Variants in CSMD2 observed in about 807,000 individuals in gnomAD.
The protein encoded by CSMD2 is CUB and Sushi multiple domains 2.
Under a neutral mutation model 398.5 loss-of-function variants are expected in CSMD2, and 130 were observed. The ratio of observed to expected loss-of-function variants is 0.33; its 90% confidence interval spans 0.28 to 0.38. CSMD2 has a LOEUF of 0.38. Ranked by LOEUF, CSMD2 falls within the 10% of genes least tolerant of loss-of-function variation. The pLI is 1.00. For missense variants in CSMD2, 3,829 were observed against 4,764.9 expected (o/e 0.80, Z 5.78); for synonymous variants, 1,828 against 1,908.5 (o/e 0.96, Z 1.10).
intron 2 of CSMD2, among the ~76,000 whole-genome samples, chr1:34,081,561 G>GTC (rs1406319307): frequency 6.6e-6 from 1 of 152,176 alleles, no homozygotes; most frequent in Non-Finnish European, 1.5e-5. Context: ...TGGGATCGCA[G>GTC]GCGCGCGCCG....
chr1:33,527,351 T>C (rs528624827), intron 64 of CSMD2, 93 bp from the exon 65 acceptor site: 67 of 984,918 alleles, frequency 6.8e-5, no homozygotes, highest in South Asian at 6.4e-4. Flanking sequence ...CTTAGGTCAA[T>C]GGGTTCTTTG....
At chr1:33,842,608 G>A (rs995387301) in intron 6 of CSMD2, among the ~76,000 whole-genome samples, 1 of 152,250 alleles carries the variant, frequency 6.6e-6, no homozygotes, top group Non-Finnish European at 1.5e-5. Flanking sequence ...GGCCTCTTGT[G>A]TCAGTCATAA....
chr1:34,132,224 T>C lies in CSMD2; in HGVS notation c.187+32687A>G, dbSNP rs539736895. Reference sequence around the variant, plus strand: ...ACCCCTCCATGGACATAAGGGAGAATGGGAGACCTGTGGCACCTCGTCCTG... The same window carrying C: ...ACCCCTCCATGGACATAAGGGAGAACGGGAGACCTGTGGCACCTCGTCCTG... On this transcript the variant is annotated intron_variant, in intron 1 of 70. Transcript: ENST00000373381. Among the ~76,000 whole-genome samples the C allele has an allele frequency of 3.4e-3, 523 of 152,164 alleles. 5 individuals carry two copies. The highest frequency in any genetic ancestry group is 0.012 in the South Asian group (57 of 4,814).
intron 21 of CSMD2, among the ~76,000 whole-genome samples, chr1:33,711,898 C>T (rs1204349404): frequency 6.6e-6 from 1 of 152,180 alleles, no homozygotes; most frequent in Non-Finnish European, 1.5e-5. Context: ...CCCTGTCAGG[C>T]CTTTGTCCTG....
rs60600966 is a variant in CSMD2 at position 34,119,314 on chromosome 1, T to C, written c.188-30121A>G. On this transcript the variant is annotated intron_variant, in intron 1 of 70. Transcript: ENST00000373381. ...AAAAGCAAGACCTGAAACTATAAAA[T>C]TCCTAGAAGAAAACATAAAAGGAAA... Among the ~76,000 whole-genome samples the C allele has an allele frequency of 7.7e-4, 117 of 152,234 alleles. No homozygotes were observed. In the East Asian group the frequency reaches 0.021, roughly 28 times the overall value.
At position 33,586,654 on chromosome 1, in the gene CSMD2, AAGTCC is replaced by A. The variant is rs535218508; in HGVS notation, c.6938-42_6938-38del. On this transcript the variant is annotated intron_variant, in intron 45 of 70. Transcript: ENST00000373381. ...AGACCAACATGTAGACCCTCTTAAGAAGTCCAGTCATTAGTACCTTGAACCCACTT... is the reference window on the plus strand; with the variant it reads ...AGACCAACATGTAGACCCTCTTAAGAAGTCATTAGTACCTTGAACCCACTT... 316 of 1,365,082 alleles carry A rather than the reference AAGTCC, an allele frequency of 2.3e-4. No individual in the cohort carries two copies. The African/African-American group carries it at 4.1e-3, about 18-fold the overall frequency. The allele number at this position is 1,365,082 out of a possible 1,614,324, so 84.6% of individuals were successfully genotyped here.
intron 9 of CSMD2, among the ~76,000 whole-genome samples, chr1:33,811,974 C>T (rs866943835): frequency 1.3e-5 from 2 of 152,220 alleles, no homozygotes; most frequent in Middle Eastern, 3.4e-3. Context: ...CTGATGGGGC[C>T]AAATATCCTA....
At chr1:33,550,118 C>T in intron 56 of CSMD2, 59 bp downstream of exon 56, 7 of 1,559,070 alleles carry the variant, frequency 4.5e-6, no homozygotes, top group Non-Finnish European at 5.3e-6. Flanking sequence ...GGGGGCTCGT[C>T]TACCTCCCAT....
intron 6 of CSMD2, among the ~76,000 whole-genome samples, chr1:33,829,021 C>T (rs1054736822): frequency 2.6e-5 from 4 of 152,278 alleles, no homozygotes; most frequent in African/African-American, 9.6e-5. Context: ...TGGTGATTAC[C>T]GCTTTGAGCT....
At chr1:33,587,201 GATC>G in intron 44 of CSMD2, 33 bp from the exon 45 acceptor site, 1 of 1,480,724 alleles carries the variant, frequency 6.8e-7, no homozygotes, top group Non-Finnish European at 9.3e-7. Flanking sequence ...GTCAGGGTAA[GATC>G]ATCATTCTCC....
intron 2 of CSMD2, among the ~76,000 whole-genome samples, chr1:34,083,759 G>C (rs979939142): frequency 3.3e-5 from 5 of 152,046 alleles, no homozygotes; most frequent in African/African-American, 1.2e-4. Flanking sequence ...TCTACAGAAA[G>C]AGTGCAAAAA....
intron 55 of CSMD2, among the ~76,000 whole-genome samples, chr1:33,551,690 A>C (rs746177537): frequency 1.3e-5 from 2 of 152,246 alleles, no homozygotes; most frequent in Non-Finnish European, 2.9e-5. Context: ...ATTATCTGCA[A>C]AGACTGCTGC....
At chr1:34,165,614 A>G (rs572709346), upstream of CSMD2, 4 of 784,192 alleles carry the variant, frequency 5.1e-6, no homozygotes, top group Non-Finnish European at 8.7e-6. Flanking sequence ...ACACACACAC[A>G]CACAGTGACA....
intron 2 of CSMD2, among the ~76,000 whole-genome samples, chr1:34,051,514 TTAAG>T (rs1449427331): frequency 1.3e-5 from 2 of 152,182 alleles, no homozygotes; most frequent in African/African-American, 4.8e-5. Context: ...TACATATATA[TTAAG>T]TAATATGTAT....
intron 25 of CSMD2, among the ~76,000 whole-genome samples, chr1:33,674,705 GAAGTA>G (rs1190474253): frequency 3.9e-5 from 6 of 152,144 alleles, no homozygotes; most frequent in African/African-American, 1.4e-4. Flanking sequence ...CACATAGTTG[GAAGTA>G]AAGAACTCCT....
chr1:33,793,639 G>A (rs1489846870), intron 10 of CSMD2, among the ~76,000 whole-genome samples: 4 of 152,142 alleles, frequency 2.6e-5, no homozygotes, highest in African/African-American at 7.2e-5. Flanking sequence ...TGACAGGGAC[G>A]CATAGGTGTT....
In CSMD2 at chr1:33,622,276, G is replaced by T. The variant is rs1375807792; in HGVS notation, c.5723-5C>A. ...GAAGGGCAGGCACGGTTGTTCCTAG[G>T]GCAAGGACACCAGGGAAAACCATTT... On this transcript the variant is annotated splice_polypyrimidine_tract_variant and splice_region_variant and intron_variant, in intron 36 of 70. Transcript: ENST00000373381. 1 of 1,609,246 alleles carries T rather than the reference G, an allele frequency of 6.2e-7. No homozygotes were observed. The highest frequency in any genetic ancestry group is 1.7e-5 in the Admixed American group (1 of 60,008).
At chr1:33,630,946 C>T (rs1642431800) in intron 32 of CSMD2, among the ~76,000 whole-genome samples, 1 of 151,906 alleles carries the variant, frequency 6.6e-6, no homozygotes, top group Non-Finnish European at 1.5e-5. Context: ...TAAACATGTT[C>T]TTTATTACAC....
intron 55 of CSMD2, among the ~76,000 whole-genome samples, chr1:33,551,954 C>T (rs766354206): frequency 4.6e-5 from 7 of 152,144 alleles, no homozygotes; most frequent in African/African-American, 1.7e-4. Flanking sequence ...AATCACAATG[C>T]CCCAGCTGAC....
Sources: gnomAD v4.1 joint callset for allele counts (sites outside exome capture counted in the v4.1 genomes callset) on GRCh38, gnomAD v4.1.1 for gene constraint, MANE v1.5 for transcripts, NCBI Gene and HGNC (gene_info 2026-07-23, HGNC 2026-07-21) for gene names.